The following TFDP2 variants were observed in gnomAD, a reference collection of about 807,000 sequenced individuals.
TFDP2 encodes transcription factor Dp-2.
Under a neutral mutation model 59.3 loss-of-function variants are expected in TFDP2, and 17 were observed. That is an observed-to-expected ratio of 0.29 (90% CI 0.20 to 0.43). The LOEUF is 0.43. Among genes scored for constraint, TFDP2 ranks in the 20% least tolerant of loss-of-function variants. The probability of loss-of-function intolerance (pLI) is 1.00; values close to 1 mark genes in which losing one functional copy is unlikely to be tolerated. For synonymous variants in TFDP2, 180 were observed against 194.7 expected, an observed-to-expected ratio of 0.92 and a Z score of 0.63; for missense variants, 391 against 528.8, an observed-to-expected ratio of 0.74 and a Z score of 2.56.
intron 1 of TFDP2, among the ~76,000 whole-genome samples, chr3:142,140,089 T>G (rs2062887045): frequency 6.6e-6 from 1 of 152,210 alleles, no homozygotes; most frequent in Non-Finnish European, 1.5e-5. Context: ...TTCGCTAAAC[T>G]TGTCTTCTCG....
intron 3 of TFDP2, among the ~76,000 whole-genome samples, chr3:142,081,935 T>C (rs1007631866): frequency 1.3e-5 from 2 of 152,270 alleles, no homozygotes; most frequent in East Asian, 1.9e-4. Context: ...ACTCAAACTA[T>C]TCCAAAAAGT....
In TFDP2 at chr3:142,093,050, A is replaced by C. The variant is rs1348481296; in HGVS notation, c.82+11T>G. 6.6e-7 allele frequency: 1 copy of C among 1,523,324 alleles called. No individual in the cohort carries two copies. The highest frequency in any genetic ancestry group is 1.2e-5 in the South Asian group (1 of 80,304). 94.4% of individuals were successfully genotyped at this position (1,523,324 alleles called of 1,614,324 possible). A position where few individuals can be genotyped will look rare whatever the true frequency, so the allele number is the denominator to read the frequency against. On this transcript the variant is annotated intron_variant, in intron 3 of 12. Coordinates refer to ENST00000489671, the MANE Select transcript of TFDP2 (RefSeq NM_001178139.2). ...ACTTAATTCAGAAAAATTTTATTCA[A>C]TAATCCTTACCTTTTGTTGGACTGA...
chr3:142,119,886 T>C (rs1297356939), intron 1 of TFDP2, among the ~76,000 whole-genome samples: 1 of 150,896 alleles, frequency 6.6e-6, no homozygotes, highest in East Asian at 2.0e-4. Context: ...CTGTCTCTAC[T>C]AAAAATACAA....
At chr3:142,026,921 C>G (rs922937078) in intron 3 of TFDP2, among the ~76,000 whole-genome samples, 1 of 152,114 alleles carries the variant, frequency 6.6e-6, no homozygotes, top group Non-Finnish European at 1.5e-5. Context: ...TCAATTAAAC[C>G]CAAAATATTA....
chr3:142,139,944 A>G (rs1172119617), intron 1 of TFDP2, among the ~76,000 whole-genome samples: 1 of 152,162 alleles, frequency 6.6e-6, no homozygotes. Flanking sequence ...TCTCCTGGAT[A>G]ATACCCTGAA....
At chr3:141,962,008 G>A (rs572135825) in intron 10 of TFDP2, among the ~76,000 whole-genome samples, 2 of 152,126 alleles carry the variant, frequency 1.3e-5, no homozygotes, top group South Asian at 4.2e-4. Context: ...GAGTGCAATG[G>A]TACAATCTTG....
intron 9 of TFDP2, among the ~76,000 whole-genome samples, chr3:141,968,402 T>TCATATATAA (rs1938572186): frequency 1.0e-4 from 11 of 110,132 alleles, no homozygotes; most frequent in Non-Finnish European, 1.4e-4. Context: ...AACATATATA[T>TCATATATAA]CATATATATA....
At chr3:142,068,027 T>G (rs1470895513) in intron 3 of TFDP2, among the ~76,000 whole-genome samples, 104 of 128,808 alleles carry the variant, frequency 8.1e-4, no homozygotes, top group African/African-American at 2.9e-3. Flanking sequence ...AAAAAGACTG[T>G]AACTATAAAG....
intron 3 of TFDP2, among the ~76,000 whole-genome samples, chr3:142,084,331 T>C (rs900226735): frequency 6.6e-6 from 1 of 152,056 alleles, no homozygotes; most frequent in African/African-American, 2.4e-5. Context: ...GAATAACAAA[T>C]GTTGGTGAGG....
intron 11 of TFDP2, among the ~76,000 whole-genome samples, chr3:141,955,705 A>C (rs1352360319): frequency 1.3e-5 from 2 of 152,238 alleles, no homozygotes; most frequent in African/African-American, 2.4e-5. Flanking sequence ...TGTATCTTAG[A>C]CCTAGTATTA....
intron 3 of TFDP2, among the ~76,000 whole-genome samples, chr3:142,009,280 C>T (rs1020839571): frequency 8.5e-5 from 13 of 152,184 alleles, no homozygotes; most frequent in Non-Finnish European, 1.5e-4. Flanking sequence ...TATTATTTTT[C>T]CAACCAAGAT....
chr3:142,015,125 A>T (rs1169971305), intron 3 of TFDP2, among the ~76,000 whole-genome samples: 3 of 152,174 alleles, frequency 2.0e-5, no homozygotes, highest in Non-Finnish European at 4.4e-5. Context: ...CCTACTGGCC[A>T]TTCCTTCTCA....
At chr3:142,042,528 G>C (rs953315014) in intron 3 of TFDP2, among the ~76,000 whole-genome samples, 1 of 151,674 alleles carries the variant, frequency 6.6e-6, no homozygotes, top group Non-Finnish European at 1.5e-5. Context: ...TCGATCTCTT[G>C]ACCTCGAGAT....
intron 3 of TFDP2, among the ~76,000 whole-genome samples, chr3:142,062,465 C>T (rs923131146): frequency 5.3e-5 from 8 of 150,382 alleles, no homozygotes; most frequent in Non-Finnish European, 1.0e-4. Flanking sequence ...GGAGAGACAG[C>T]GGTTCTGATT....
At chr3:142,014,737 T>G (rs1944994235) in intron 3 of TFDP2, among the ~76,000 whole-genome samples, 1 of 152,182 alleles carries the variant, frequency 6.6e-6, no homozygotes, top group Non-Finnish European at 1.5e-5. Context: ...GTCAGTCTCC[T>G]GCATCATCAC....
chr3:142,060,196 A>C (rs1418267093), intron 3 of TFDP2, among the ~76,000 whole-genome samples: 1 of 152,136 alleles, frequency 6.6e-6, no homozygotes, highest in Non-Finnish European at 1.5e-5. Context: ...AGAAAGTTCC[A>C]CTTTGAAAAT....
chr3:141,996,768 TAG>T (rs1456886946), intron 4 of TFDP2, among the ~76,000 whole-genome samples: 1 of 152,240 alleles, frequency 6.6e-6, no homozygotes, highest in African/African-American at 2.4e-5. Flanking sequence ...AGACCTTAGT[TAG>T]AGTCTGTTTA....
chr3:141,963,943 C>A lies in TFDP2; in HGVS notation c.753G>T (p.Leu251=). Reference sequence around the variant, plus strand: ...GCTCATTTTGTCGATTTCTCTGTACCAGGTTTTTGAAAGCGATTTGCTGTA... The same window carrying A: ...GCTCATTTTGTCGATTTCTCTGTACAAGGTTTTTGAAAGCGATTTGCTGTA... ...LLLQQIAFKN[L]VQRNRQNEQQ... is the part of the protein sequence containing the mutation. The change falls in exon 10 of 13, where the codon CTG becomes CTT. Residue 251 remains leucine (L), a synonymous_variant. Coordinates refer to ENST00000489671, the MANE Select transcript of TFDP2 (RefSeq NM_001178139.2). 1 of 1,613,418 alleles carries A rather than the reference C, an allele frequency of 6.2e-7. No individual in the cohort carries two copies. The highest frequency in any genetic ancestry group is 2.2e-5 in the East Asian group (1 of 44,844).
chr3:142,105,519 T>C (rs2061443174), intron 1 of TFDP2, among the ~76,000 whole-genome samples: 1 of 152,196 alleles, frequency 6.6e-6, no homozygotes, highest in Admixed American at 6.5e-5. Context: ...GCTGCTTGTC[T>C]CCGGGCATCT....
Sources: gnomAD v4.1 joint callset for allele counts (sites outside exome capture counted in the v4.1 genomes callset) on GRCh38, gnomAD v4.1.1 for gene constraint, MANE v1.5 for transcripts, NCBI Gene and HGNC (gene_info 2026-07-23, HGNC 2026-07-21) for gene names.